MSANTD2: variants seen among roughly 807,000 people sequenced by gnomAD.
MSANTD2 encodes myb/SANT-like DNA-binding domain-containing protein 2.
A neutral mutation model predicts 52.6 loss-of-function variants in MSANTD2; 19 were observed. The ratio of observed to expected loss-of-function variants is 0.36; its 90% CI spans 0.25 to 0.53. The LOEUF (loss-of-function observed/expected upper bound fraction) is 0.53. Ranked by LOEUF, MSANTD2 falls within the 20% of genes least tolerant of loss-of-function variation. The pLI is 0.91. For synonymous variants in MSANTD2, 291 were observed against 289.7 expected (o/e 1.00, Z -0.04); for missense variants, 558 against 716.3 (o/e 0.78, Z 2.52).
chr11:124,771,834 C>T (rs1565451009), intron 3 of MSANTD2, among the ~76,000 whole-genome samples: 1 of 152,194 alleles, frequency 6.6e-6, no homozygotes, highest in African/African-American at 2.4e-5. Flanking sequence ...TCTACCATCT[C>T]TCAGACATCA....
rs1421371540 is a variant in MSANTD2 at position 124,773,042 on chromosome 11, A to T, written c.779T>A (p.Val260Asp). 6.3e-7 allele frequency: 1 copy of T among 1,595,680 alleles called. No individual in the cohort carries two copies. The highest frequency in any genetic ancestry group is 2.2e-5 in the East Asian group (1 of 44,734). Reference sequence around the variant, plus strand: ...TTTTATTTTTAATGTTCTCTTTGTGACAGGTATTTCATCTGAAAAGCAAAG... The same window carrying T: ...TTTTATTTTTAATGTTCTCTTTGTGTCAGGTATTTCATCTGAAAAGCAAAG... ...PTDQELDEIP[V>D]TKRTLKIKQE... The change falls in exon 3 of 4, where the codon GTC (valine) becomes GAC (aspartate). Residue 260 changes from valine (V) to aspartate (D), a missense_variant. By Grantham distance (152) the Val-to-Asp change is radical. Around this residue, in one of 2 missense-constraint regions of MSANTD2, gnomAD observed 408 missense variants for 573.6 expected, o/e 0.71. Coordinates refer to ENST00000374979, the MANE Select transcript of MSANTD2 (RefSeq NM_001308027.2).
chr11:124,785,010 G>A (rs1484417296), intron 1 of MSANTD2, among the ~76,000 whole-genome samples: 1 of 152,120 alleles, frequency 6.6e-6, no homozygotes, highest in African/African-American at 2.4e-5. Flanking sequence ...AAATAAGCAT[G>A]TTTTATTAAA....
At position 124,800,381 on chromosome 11, in the gene MSANTD2, C is replaced by T. The variant is rs373880694; in HGVS notation, c.-1G>A. On this transcript the variant is annotated 5_prime_UTR_variant, in exon 1 of 4. Transcript: ENST00000374979. The surrounding 1 kb of genome is among the most constrained non-coding windows in gnomAD (Gnocchi z 4.3). ...GCTCCGAGCCACAGGGCGCAGCCAT[C>T]TTCCAAGCGGCCGCCGCTGCACCGC... is the stretch of plus-strand genomic sequence containing the variant. The T allele has an allele frequency of 7.3e-6, 11 of 1,510,602 alleles. No individual in the cohort carries two copies. The highest frequency in any genetic ancestry group is 8.9e-6 in the Non-Finnish European group (10 of 1,129,354). The allele number at this position is 1,510,602 out of a possible 1,614,324, so 93.6% of individuals were successfully genotyped here.
intron 3 of MSANTD2, among the ~76,000 whole-genome samples, chr11:124,769,284 C>T (rs371663096): frequency 2.0e-5 from 3 of 152,332 alleles, no homozygotes; most frequent in South Asian, 4.1e-4. Flanking sequence ...TTATCAGCTG[C>T]TTCTTGGAGC....
intron 1 of MSANTD2, among the ~76,000 whole-genome samples, chr11:124,780,853 A>C (rs1039646060): frequency 6.6e-6 from 1 of 152,190 alleles, no homozygotes; most frequent in Non-Finnish European, 1.5e-5. Flanking sequence ...AATTAGCCAA[A>C]TTCCCGTTTC....
intron 1 of MSANTD2, among the ~76,000 whole-genome samples, chr11:124,797,798 G>C (rs1945541205): frequency 6.6e-6 from 1 of 152,134 alleles, no homozygotes; most frequent in South Asian, 2.1e-4. Flanking sequence ...GGTTTTACCT[G>C]TCTGGACACA....
At chr11:124,791,143 G>T in intron 1 of MSANTD2, 2 of 775,942 alleles carry the variant, frequency 2.6e-6, no homozygotes, top group Non-Finnish European at 2.2e-6. Flanking sequence ...GTGAAAGGGG[G>T]CTAGGGACAA....
At chr11:124,784,861 G>A (rs1207499487) in intron 1 of MSANTD2, 1 of 160,984 alleles carries the variant, frequency 6.2e-6, no homozygotes, top group Non-Finnish European at 1.3e-5. Flanking sequence ...ATTAAATCCA[G>A]ATTCATTAAC....
intron 1 of MSANTD2, chr11:124,790,306 C>G (rs1945291462): frequency 6.6e-6 from 1 of 152,182 alleles, no homozygotes; most frequent in Non-Finnish European, 1.5e-5. Flanking sequence ...ACAGGACTGT[C>G]TTCATTTGGT....
At chr11:124,785,037 G>T (rs1234619632) in intron 1 of MSANTD2, among the ~76,000 whole-genome samples, 1 of 152,190 alleles carries the variant, frequency 6.6e-6, no homozygotes, top group Non-Finnish European at 1.5e-5. Flanking sequence ...TATCCTGGGT[G>T]ATCTGAACTT....
intron 1 of MSANTD2, among the ~76,000 whole-genome samples, chr11:124,798,874 T>C (rs117692731): frequency 4.5e-4 from 68 of 152,308 alleles, no homozygotes; most frequent in Non-Finnish European, 8.4e-4. Flanking sequence ...CAGTAAAAAC[T>C]GGGAGAATCC....
At chr11:124,783,476 C>T (rs745558976) in intron 1 of MSANTD2, among the ~76,000 whole-genome samples, 13 of 152,060 alleles carry the variant, frequency 8.5e-5, no homozygotes, top group South Asian at 2.1e-4. Context: ...AAAAATTAGC[C>T]GAGTGTGGTG....
In MSANTD2 at chr11:124,773,047, T is replaced by C; in HGVS notation, c.774A>G (p.Ile258Met). ...TTTTTAATGTTCTCTTTGTGACAGG[T>C]ATTTCATCTGAAAAGCAAAGATTTT... ...GYPTDQELDE[I>M]PVTKRTLKIK... is the part of the protein sequence containing the mutation. The change falls in exon 3 of 4, where the codon ATA becomes ATG. Residue 258 changes from isoleucine to methionine, a missense_variant. Around this residue, in one of 2 missense-constraint regions of MSANTD2, gnomAD observed 408 missense variants for 573.6 expected, o/e 0.71. Coordinates refer to ENST00000374979, the MANE Select transcript of MSANTD2 (RefSeq NM_001308027.2). 6.3e-7 allele frequency: 1 copy of C among 1,591,936 alleles called. No homozygotes were observed. Among genetic ancestry groups the C allele is most frequent in the Non-Finnish European group, 8.6e-7 (1 of 1,160,448 alleles).
intron 3 of MSANTD2, among the ~76,000 whole-genome samples, chr11:124,771,177 T>A (rs538108555): frequency 6.6e-6 from 1 of 152,176 alleles, no homozygotes. Flanking sequence ...CCCAACTTAC[T>A]TTTTACAACA....
At chr11:124,791,985 A>G in intron 1 of MSANTD2, 1 of 180,452 alleles carries the variant, frequency 5.5e-6, no homozygotes, top group South Asian at 1.1e-4. Flanking sequence ...AGTGCATGGC[A>G]CATAGAAAAT....
At chr11:124,780,335 T>G (rs927673176) in intron 1 of MSANTD2, among the ~76,000 whole-genome samples, 3 of 152,196 alleles carry the variant, frequency 2.0e-5, no homozygotes, top group Non-Finnish European at 4.4e-5. Flanking sequence ...CATTGACATC[T>G]GACAAACTGA....
chr11:124,788,053 G>C (rs1419505732), intron 1 of MSANTD2, among the ~76,000 whole-genome samples: 1 of 146,966 alleles, frequency 6.8e-6, no homozygotes, highest in Admixed American at 7.0e-5. Context: ...CCGCACTCTA[G>C]CTTGGGCAAC....
intron 1 of MSANTD2, among the ~76,000 whole-genome samples, chr11:124,798,234 T>TAAA (rs10601418): frequency 7.2e-5 from 8 of 110,530 alleles, no homozygotes; most frequent in East Asian, 2.7e-4. Context: ...CCCTGTCTCT[T>TAAA]AAAAAAAAAA....
At chr11:124,786,394 A>C (rs1005165724) in intron 1 of MSANTD2, among the ~76,000 whole-genome samples, 6 of 152,206 alleles carry the variant, frequency 3.9e-5, no homozygotes, top group African/African-American at 1.4e-4. Flanking sequence ...TATCTCTAAG[A>C]AGCACCCAAA....
Sources: allele counts gnomAD v4.1 joint callset (sites outside exome capture counted in the v4.1 genomes callset), GRCh38; gene constraint gnomAD v4.1.1; regional missense constraint gnomAD v4.1.1; non-coding constraint Gnocchi (gnomAD v3.1); transcripts MANE v1.5; gene names NCBI Gene and HGNC (gene_info 2026-07-23, HGNC 2026-07-21).